The following ANO10 variants were observed in gnomAD, a reference collection of about 807,000 sequenced individuals.
The protein encoded by ANO10 is anoctamin 10, also known as anoctamin-10.
In ANO10, 77 loss-of-function variants were observed where a neutral mutation model predicts 74.7. That is an observed-to-expected ratio of 1.03 (90% CI 0.86 to 1.25). ANO10 has a LOEUF of 1.25. ANO10 is among the 50% of genes most tolerant of loss of function. The pLI, the probability that ANO10 is intolerant of heterozygous loss-of-function variation, is 0.00. For synonymous variants in ANO10, 279 were observed against 284.9 expected (o/e 0.98, Z 0.21); for missense variants, 721 against 778.1 (o/e 0.93, Z 0.87).
At chr3:43,585,302 T>C (rs2081425517) in intron 4 of ANO10, among the ~76,000 whole-genome samples, 1 of 152,098 alleles carries the variant, frequency 6.6e-6, no homozygotes, top group African/African-American at 2.4e-5. Flanking sequence ...ATGATTTTAT[T>C]GTATTCATAT....
intron 12 of ANO10, among the ~76,000 whole-genome samples, chr3:43,367,195 C>G (rs937082615): frequency 2.6e-5 from 4 of 152,286 alleles, no homozygotes; most frequent in South Asian, 2.1e-4. Context: ...CCCAGACCAG[C>G]AGGGATTTTA....
Position 43,683,136 on chromosome 3 carries a change from T to A in ANO10, c.-12+8381A>T, listed in dbSNP as rs906956117. On this transcript the variant is annotated intron_variant, in intron 1 of 3. Coordinates refer to the ANO10 transcript ENST00000413397. ...TATTCAATTAGGAAAAGAGGAAGTC[T>A]AATTGTCCCTGTTTGCAGATGACAT... is the stretch of plus-strand genomic sequence containing the variant. Among the ~76,000 whole-genome samples the A allele has an allele frequency of 6.7e-4, 102 of 152,198 alleles. 2 individuals are homozygous for A. Among genetic ancestry groups the A allele is most frequent in the African/African-American group, 2.3e-3 (97 of 41,552 alleles).
At chr3:43,636,139 G>C (rs1261148427) in intron 1 of ANO10, among the ~76,000 whole-genome samples, 1 of 152,188 alleles carries the variant, frequency 6.6e-6, no homozygotes, top group African/African-American at 2.4e-5. Context: ...GAGCCTAGGA[G>C]ACATAGGTAG....
chr3:43,551,682 A>C (rs1180376636), intron 10 of ANO10: 1 of 392,610 alleles, frequency 2.5e-6, no homozygotes, highest in African/African-American at 2.1e-5. Context: ...CACTTTTATC[A>C]TCATAGAATG....
intron 12 of ANO10, among the ~76,000 whole-genome samples, chr3:43,409,923 C>A (rs951542300): frequency 2.0e-5 from 3 of 152,064 alleles, no homozygotes; most frequent in Non-Finnish European, 4.4e-5. Context: ...ATTGTTCTTT[C>A]TTTTTTCAGC....
chr3:43,593,318 A>G (rs1382838302), intron 4 of ANO10, among the ~76,000 whole-genome samples: 2 of 152,232 alleles, frequency 1.3e-5, no homozygotes, highest in Admixed American at 6.5e-5. Context: ...TAGATTCACC[A>G]AAGTTGAAAT....
intron 11 of ANO10, among the ~76,000 whole-genome samples, chr3:43,484,468 C>T (rs544653490): frequency 3.3e-4 from 51 of 152,270 alleles, no homozygotes; most frequent in African/African-American, 1.2e-3. Context: ...AAATTCCCCC[C>T]ACAAGAGACA....
intron 11 of ANO10, among the ~76,000 whole-genome samples, chr3:43,511,790 C>T (rs1357063839): frequency 1.3e-5 from 2 of 152,184 alleles, no homozygotes; most frequent in African/African-American, 4.8e-5. Context: ...CATACAGGGG[C>T]TCTCTATTGT....
At chr3:43,671,239 T>C (rs1324193060) in intron 1 of ANO10, among the ~76,000 whole-genome samples, 1 of 152,188 alleles carries the variant, frequency 6.6e-6, no homozygotes, top group African/African-American at 2.4e-5. Flanking sequence ...GATTATAACA[T>C]AGTTCTGAGT....
At chr3:43,571,123 A>T (rs1297702628) in intron 7 of ANO10, among the ~76,000 whole-genome samples, 8 of 150,616 alleles carry the variant, frequency 5.3e-5, no homozygotes, top group Admixed American at 2.0e-4. Flanking sequence ...TGCAAATCAA[A>T]ACCACAATGA....
chr3:43,410,605 A>G (rs1023736286), intron 12 of ANO10, among the ~76,000 whole-genome samples: 8 of 152,320 alleles, frequency 5.3e-5, no homozygotes, highest in Non-Finnish European at 1.0e-4. Context: ...TTCTTAAACA[A>G]TAAGACATTC....
chr3:43,459,351 A>C (rs2075280651), intron 11 of ANO10, among the ~76,000 whole-genome samples: 1 of 152,168 alleles, frequency 6.6e-6, no homozygotes, highest in African/African-American at 2.4e-5. Flanking sequence ...GAGGATAACC[A>C]AATTGAGCAT....
At position 43,596,536 on chromosome 3, in the gene ANO10, G is replaced by C. The variant is rs1352350244; in HGVS notation, c.472+1996C>G. Reference sequence around the variant, plus strand: ...GAAAGGATTCCCTATTTAATAAATGGTGCTGGGAAAACTGGCCAGCCATAT... The same window carrying C: ...GAAAGGATTCCCTATTTAATAAATGCTGCTGGGAAAACTGGCCAGCCATAT... On this transcript the variant is annotated intron_variant, in intron 4 of 12. Transcript: ENST00000292246. 2.0e-5 allele frequency among the ~76,000 whole-genome samples: 3 copies of C among 152,010 alleles called. No individual in the cohort carries two copies. In the East Asian group the frequency reaches 5.8e-4, roughly 29 times the overall value.
chr3:43,544,884 A>G (rs112235848), intron 11 of ANO10, among the ~76,000 whole-genome samples: 2,682 of 152,188 alleles, frequency 0.018, 70 homozygotes, highest in African/African-American at 0.06. Context: ...AAAGCAATAG[A>G]AACTATCAAT....
chr3:43,397,980 T>G (rs1258524755), intron 12 of ANO10, among the ~76,000 whole-genome samples: 1 of 152,242 alleles, frequency 6.6e-6, no homozygotes, highest in Non-Finnish European at 1.5e-5. Context: ...TACTCCATCT[T>G]GACAGGAAGC....
At chr3:43,468,714 C>CTTT (rs202046317) in intron 11 of ANO10, among the ~76,000 whole-genome samples, 84 of 141,420 alleles carry the variant, frequency 5.9e-4, no homozygotes, top group African/African-American at 2.0e-3. Context: ...TTTTTGTTTT[C>CTTT]TTTTTTTTTT....
chr3:43,471,386 C>T (rs1370904219), intron 11 of ANO10, among the ~76,000 whole-genome samples: 1 of 152,088 alleles, frequency 6.6e-6, no homozygotes, highest in African/African-American at 2.4e-5. Flanking sequence ...ATATTCCTTG[C>T]AAGTCTAGAT....
chr3:43,387,299 C>T (rs1446094355), intron 12 of ANO10, among the ~76,000 whole-genome samples: 1 of 152,228 alleles, frequency 6.6e-6, no homozygotes, highest in African/African-American at 2.4e-5. Context: ...ACCAAAACGT[C>T]GTCACACAGT....
intron 11 of ANO10, among the ~76,000 whole-genome samples, chr3:43,466,392 C>CAAAAAAAAAAAAAAAAA: frequency 8.0e-6 from 1 of 124,838 alleles, no homozygotes; most frequent in African/African-American, 3.0e-5. Context: ...AAAAAACAAA[C>CAAAAAAAAAAAAAAAAA]AAAAAAACCA....
Sources: allele counts gnomAD v4.1 joint callset (sites outside exome capture counted in the v4.1 genomes callset), GRCh38; gene constraint gnomAD v4.1.1; transcripts MANE v1.5; gene names NCBI Gene and HGNC (gene_info 2026-07-23, HGNC 2026-07-21).